The following DPYSL2 variants were observed in gnomAD, a reference collection of about 807,000 sequenced individuals.
DPYSL2 encodes the protein dihydropyrimidinase-related protein 2.
In DPYSL2, 13 loss-of-function variants were observed where a neutral mutation model predicts 69.9. The ratio of observed to expected loss-of-function variants is 0.19; its 90% CI spans 0.12 to 0.30. DPYSL2 has a LOEUF of 0.30. DPYSL2 is among the 10% of genes least tolerant of loss of function. The pLI is 1.00. For missense variants in DPYSL2, 587 were observed against 918.9 expected (o/e 0.64, Z 4.67); for synonymous variants, 326 against 359.1 (o/e 0.91, Z 1.04).
chr8:26,591,148 T>C lies in DPYSL2; in HGVS notation c.628+7165T>C, dbSNP rs932885717. Among the ~76,000 whole-genome samples the C allele has an allele frequency of 6.6e-6, 1 of 152,156 alleles. No individual in the cohort carries two copies. The highest frequency in any genetic ancestry group is 1.5e-5 in the Non-Finnish European group (1 of 68,022). Reference sequence around the variant, plus strand: ...AGTTCCTACTCTGCCTATGGGTGTTTTACATGGAGAGTCACAGCACTGGGG... The same window carrying C: ...AGTTCCTACTCTGCCTATGGGTGTTCTACATGGAGAGTCACAGCACTGGGG... On this transcript the variant is annotated intron_variant, in intron 3 of 13. Coordinates refer to ENST00000521913, the MANE Select transcript of DPYSL2 (RefSeq NM_001197293.3). The surrounding 1 kb of genome is among the most constrained non-coding windows in gnomAD (Gnocchi z 5.8).
chr8:26,544,759 T>G (rs1245939975), intron 1 of DPYSL2, among the ~76,000 whole-genome samples: 1 of 152,200 alleles, frequency 6.6e-6, no homozygotes, highest in African/African-American at 2.4e-5. Context: ...ACAAAATGAA[T>G]AGATACACTT....
intron 1 of DPYSL2, chr8:26,577,266 G>T (rs1801371459): frequency 8.0e-6 from 3 of 373,166 alleles, no homozygotes; most frequent in Admixed American, 3.5e-5. Context: ...GACGCTCCCG[G>T]GAAGCAGCCG....
At position 26,647,136 on chromosome 8, in the gene DPYSL2, G is replaced by C. The variant is rs1803184503; in HGVS notation, c.1426-494G>C. ...TTGTTTTGAAATAATTATAGATTAA[G>C]AAGCAGTTGCAAAGATAGTACAGAG... On this transcript the variant is annotated intron_variant, in intron 10 of 13. Transcript: ENST00000521913. The surrounding 1 kb of genome is among the most constrained non-coding windows in gnomAD (Gnocchi z 5.1). Among the ~76,000 whole-genome samples the C allele has an allele frequency of 6.6e-6, 1 of 152,140 alleles. No homozygotes were observed. The highest frequency in any genetic ancestry group is 6.5e-5 in the Admixed American group (1 of 15,276).
chr8:26,554,836 C>T lies in DPYSL2; in HGVS notation c.355-27133C>T, dbSNP rs546141233. Among the ~76,000 whole-genome samples the T allele has an allele frequency of 2.6e-5, 4 of 152,156 alleles. No homozygotes were observed. The East Asian group carries it at 7.7e-4, about 29-fold the overall frequency. On this transcript the variant is annotated intron_variant, in intron 1 of 13. Coordinates refer to ENST00000521913, the MANE Select transcript of DPYSL2 (RefSeq NM_001197293.3). Reference sequence around the variant, plus strand: ...ATTATAAGAAAAGAAATCCATAGACCAGTATCTCTAATGAATATAAATGTC... The same window carrying T: ...ATTATAAGAAAAGAAATCCATAGACTAGTATCTCTAATGAATATAAATGTC...
At chr8:26,632,863 G>A (rs1162898186) in intron 7 of DPYSL2, among the ~76,000 whole-genome samples, 2 of 152,336 alleles carry the variant, frequency 1.3e-5, no homozygotes, top group South Asian at 4.1e-4. Context: ...AAACATTTGG[G>A]TGTTTAATAT....
chr8:26,526,297 G>A (rs1808475272), intron 1 of DPYSL2, among the ~76,000 whole-genome samples: 1 of 152,086 alleles, frequency 6.6e-6, no homozygotes, highest in Middle Eastern at 3.2e-3. Context: ...GTTTCACCAT[G>A]TTAGCCAGGA....
At chr8:26,615,848 A>G (rs1484491155) in intron 3 of DPYSL2, among the ~76,000 whole-genome samples, 1 of 152,228 alleles carries the variant, frequency 6.6e-6, no homozygotes, top group East Asian at 1.9e-4. Flanking sequence ...CGGGAGAAAC[A>G]GTATATTTGT....
At position 26,627,906 on chromosome 8, in the gene DPYSL2, G is replaced by A; in HGVS notation, c.971G>A (p.Gly324Asp). The A allele has an allele frequency of 6.2e-7, 1 of 1,613,914 alleles. No individual in the cohort carries two copies. The highest frequency in any genetic ancestry group is 8.5e-7 in the Non-Finnish European group (1 of 1,180,018). Residue 324 changes from glycine (G) to aspartate (D), a missense_variant, in exon 7 of 14, where the codon GGC (glycine) becomes GAC (aspartate). Transcript: ENST00000521913. The surrounding 1 kb of genome is among the most constrained non-coding windows in gnomAD (Gnocchi z 6.9). ...AGGATCCTGGATCTGGGCATCACGGGCCCCGAGGGACATGTGCTGAGCCGA... is the reference window on the plus strand; with the variant it reads ...AGGATCCTGGATCTGGGCATCACGGACCCCGAGGGACATGTGCTGAGCCGA... ...QQRILDLGIT[G>D]PEGHVLSRPE...
In DPYSL2 at chr8:26,580,412, C is replaced by T. The variant is rs1217100310; in HGVS notation, c.355-1557C>T. On this transcript the variant is annotated intron_variant, in intron 1 of 13. Transcript: ENST00000521913. The surrounding 1 kb of genome is among the most constrained non-coding windows in gnomAD (Gnocchi z 4.1). Reference sequence around the variant, plus strand: ...CGAGGCTCTGATGTCATGATGTGCACGGCTTTGTAAAGGTCTTTACACTTA... The same window carrying T: ...CGAGGCTCTGATGTCATGATGTGCATGGCTTTGTAAAGGTCTTTACACTTA... Among the ~76,000 whole-genome samples the T allele has an allele frequency of 6.6e-6, 1 of 152,164 alleles. No homozygotes were observed. The highest frequency in any genetic ancestry group is 1.5e-5 in the Non-Finnish European group (1 of 68,028).
At chr8:26,556,385 C>T (rs1185135249) in intron 1 of DPYSL2, among the ~76,000 whole-genome samples, 14 of 64,128 alleles carry the variant, frequency 2.2e-4, no homozygotes, top group East Asian at 3.9e-4. Flanking sequence ...ATAGTATATA[C>T]ACACATACAT....
chr8:26,624,030 C>A lies in DPYSL2; in HGVS notation c.629-113C>A. On this transcript the variant is annotated intron_variant, in intron 3 of 13. Transcript: ENST00000521913. This position sits in a 1 kb window ranked among gnomAD's most constrained non-coding sequence, Gnocchi z 4.7. ...CTTAGAAGCTGGTTGTAGAGATCAC[C>A]ATCTCGATTTTGAACCCAAGAAGCC... The A allele has an allele frequency of 9.1e-7, 1 of 1,094,276 alleles. No individual in the cohort carries two copies. Among genetic ancestry groups the A allele is most frequent in the Non-Finnish European group, 1.3e-6 (1 of 749,080 alleles). The allele number at this position is 1,094,276 out of a possible 1,614,324, so 67.8% of individuals were successfully genotyped here.
Position 26,571,145 on chromosome 8 carries a change from C to A in DPYSL2, c.355-10824C>A, listed in dbSNP as rs1299237334. On this transcript the variant is annotated intron_variant, in intron 1 of 13. Coordinates refer to ENST00000521913, the MANE Select transcript of DPYSL2 (RefSeq NM_001197293.3). This position sits in a 1 kb window ranked among gnomAD's most constrained non-coding sequence, Gnocchi z 6.1. ...GACCCCTCACTAGGTAGGGAGTGAG[C>A]CCTTCCTCCTAGTCCATGTTTTCCT... 6.6e-6 allele frequency among the ~76,000 whole-genome samples: 1 copy of A among 152,182 alleles called. No individual in the cohort carries two copies. The highest frequency in any genetic ancestry group is 2.4e-5 in the African/African-American group (1 of 41,438).
chr8:26,548,491 CT>C (rs1800817824), intron 1 of DPYSL2: 1 of 154,318 alleles, frequency 6.5e-6, no homozygotes, highest in African/African-American at 2.4e-5. Flanking sequence ...CAGAAGTCCC[CT>C]CTCTCACAGT....
chr8:26,556,316 A>AGTATATATATAGT (rs1394496164), intron 1 of DPYSL2, among the ~76,000 whole-genome samples: 2 of 24,468 alleles, frequency 8.2e-5, no homozygotes, highest in African/African-American at 1.3e-4. Context: ...GTATATATAT[A>AGTATATATATAGT]CTATATATAT....
chr8:26,618,446 G>A (rs1460811313), intron 3 of DPYSL2, among the ~76,000 whole-genome samples: 1 of 150,344 alleles, frequency 6.7e-6, no homozygotes, highest in Non-Finnish European at 1.5e-5. Context: ...CCGAGTAGCT[G>A]CGACTACAGG....
rs989537113 is a variant in DPYSL2, at chr8:26,641,314, C to T, written c.1127-2125C>T. ...CAAAAGCAGGAAGCCTTTAGGGCCACGCATCTCTTGTTTTCCTGTGACTTA... is the reference window on the plus strand; with the variant it reads ...CAAAAGCAGGAAGCCTTTAGGGCCATGCATCTCTTGTTTTCCTGTGACTTA... On this transcript the variant is annotated intron_variant, in intron 8 of 13. Coordinates refer to ENST00000521913, the MANE Select transcript of DPYSL2 (RefSeq NM_001197293.3). This position sits in a 1 kb window ranked among gnomAD's most constrained non-coding sequence, Gnocchi z 4.1. Among the ~76,000 whole-genome samples, 4 of 152,246 alleles carry T rather than the reference C, an allele frequency of 2.6e-5. No individual in the cohort carries two copies. Among genetic ancestry groups the T allele is most frequent in the Non-Finnish European group, 4.4e-5 (3 of 68,040 alleles).
rs1376494664 is a variant in DPYSL2 at position 26,587,291 on chromosome 8, G to A, written c.628+3308G>A. 6.6e-6 allele frequency among the ~76,000 whole-genome samples: 1 copy of A among 152,194 alleles called. No homozygotes were observed. Among genetic ancestry groups the A allele is most frequent in the East Asian group, 1.9e-4 (1 of 5,198 alleles). On this transcript the variant is annotated intron_variant, in intron 3 of 13. Coordinates refer to ENST00000521913, the MANE Select transcript of DPYSL2 (RefSeq NM_001197293.3). This position sits in a 1 kb window ranked among gnomAD's most constrained non-coding sequence, Gnocchi z 4.2. The stretch of plus-strand genomic sequence containing the variant: ...ACTTTGAAAACTTCACAGGCCCACT[G>A]CTGCTTGCTGAAATAAAAAATTGAA...
intron 1 of DPYSL2, among the ~76,000 whole-genome samples, chr8:26,518,039 CCATT>C (rs1014960492): frequency 6.6e-6 from 1 of 152,212 alleles, no homozygotes; most frequent in Admixed American, 6.5e-5. Context: ...TTCCCTTCTC[CCATT>C]CAGAATTCTT....
chr8:26,566,908 C>A (rs1801158874), intron 1 of DPYSL2, among the ~76,000 whole-genome samples: 2 of 152,052 alleles, frequency 1.3e-5, no homozygotes, highest in African/African-American at 4.8e-5. Flanking sequence ...TCTACCTGAG[C>A]ATCCATCCTG....
Sources: allele counts gnomAD v4.1 joint callset (sites outside exome capture counted in the v4.1 genomes callset), GRCh38; gene constraint gnomAD v4.1.1; non-coding constraint Gnocchi (gnomAD v3.1); transcripts MANE v1.5; gene names NCBI Gene and HGNC (gene_info 2026-07-23, HGNC 2026-07-21).